The following ATRNL1 variants were observed in gnomAD, a reference collection of about 807,000 sequenced individuals.
The protein encoded by ATRNL1 is attractin like 1.
In ATRNL1, 95 loss-of-function variants were observed where a neutral mutation model predicts 182.7. That is an observed-to-expected ratio of 0.52 (90% CI 0.44 to 0.62). The LOEUF is 0.62. ATRNL1 is among the 20% of genes least tolerant of loss of function. The pLI, the probability that ATRNL1 is intolerant of heterozygous loss-of-function variation, is 0.00. For missense variants in ATRNL1, 1,471 were observed against 1,679.5 expected (o/e 0.88, Z 2.17); for synonymous variants, 576 against 568.3 (o/e 1.01, Z -0.19).
At chr10:115,898,995 A>G (rs7893493) in intron 28 of ATRNL1, among the ~76,000 whole-genome samples, 1,969 of 150,140 alleles carry the variant, frequency 0.013, 50 homozygotes, top group African/African-American at 0.046. Flanking sequence ...TCTAGGGTAC[A>G]TGTGCACAAT....
intron 28 of ATRNL1, among the ~76,000 whole-genome samples, chr10:115,864,285 A>G (rs1405702431): frequency 1.3e-5 from 2 of 152,002 alleles, no homozygotes; most frequent in Admixed American, 1.3e-4. Flanking sequence ...AAAAAAAAAA[A>G]AGAAGTGGGA....
At chr10:115,647,626 T>C (rs1271173007) in intron 26 of ATRNL1, among the ~76,000 whole-genome samples, 2 of 152,212 alleles carry the variant, frequency 1.3e-5, no homozygotes, top group Admixed American at 1.3e-4. Context: ...TCATATCCTT[T>C]GCCCACTTTT....
At chr10:115,868,351 A>G (rs1334556287) in intron 28 of ATRNL1, among the ~76,000 whole-genome samples, 3 of 152,098 alleles carry the variant, frequency 2.0e-5, no homozygotes, top group African/African-American at 4.8e-5. Context: ...ACTCTCACCA[A>G]TGAGGTTACC....
At chr10:115,573,158 G>A (rs901189199) in intron 26 of ATRNL1, among the ~76,000 whole-genome samples, 5 of 152,170 alleles carry the variant, frequency 3.3e-5, no homozygotes, top group Non-Finnish European at 7.4e-5. Context: ...GGGCTCAAAG[G>A]GTGAGTGCAA....
At chr10:115,111,631 C>G (rs1844260052) in intron 1 of ATRNL1, among the ~76,000 whole-genome samples, 1 of 152,050 alleles carries the variant, frequency 6.6e-6, no homozygotes, top group South Asian at 2.1e-4. Flanking sequence ...TGAGGATGGC[C>G]CCAAGCCATT....
At chr10:115,829,480 C>T (rs1555092929) in intron 27 of ATRNL1, among the ~76,000 whole-genome samples, 1 of 147,592 alleles carries the variant, frequency 6.8e-6, no homozygotes, top group Non-Finnish European at 1.5e-5. Flanking sequence ...CAGGAGATTT[C>T]AGCAGGCTTT....
intron 28 of ATRNL1, among the ~76,000 whole-genome samples, chr10:115,872,203 A>G (rs1281710195): frequency 6.6e-6 from 1 of 152,160 alleles, no homozygotes; most frequent in Non-Finnish European, 1.5e-5. Context: ...ACAAGAATAC[A>G]TTTGCTTCCT....
intron 13 of ATRNL1, among the ~76,000 whole-genome samples, chr10:115,281,102 T>A (rs890527484): frequency 6.6e-6 from 1 of 152,234 alleles, no homozygotes; most frequent in Non-Finnish European, 1.5e-5. Flanking sequence ...AAGAATATGC[T>A]TGTAAGTTAG....
intron 27 of ATRNL1, among the ~76,000 whole-genome samples, chr10:115,792,823 T>C (rs1210847941): frequency 1.3e-5 from 2 of 151,936 alleles, no homozygotes; most frequent in African/African-American, 4.8e-5. Flanking sequence ...TAAGTTCAAA[T>C]AGGCAAAAAT....
chr10:115,673,376 C>T (rs570045413), intron 26 of ATRNL1, among the ~76,000 whole-genome samples: 1 of 152,128 alleles, frequency 6.6e-6, no homozygotes, highest in East Asian at 1.9e-4. Context: ...GCCCCATGAG[C>T]ATCTTGCAAA....
intron 21 of ATRNL1, among the ~76,000 whole-genome samples, chr10:115,448,314 A>G (rs1262733485): frequency 1.3e-5 from 2 of 152,196 alleles, no homozygotes; most frequent in Non-Finnish European, 2.9e-5. Context: ...ATCCTCAGCA[A>G]ATGCAAAAGA....
intron 18 of ATRNL1, among the ~76,000 whole-genome samples, chr10:115,333,396 T>C (rs1855325457): frequency 2.0e-5 from 3 of 152,232 alleles, no homozygotes; most frequent in Admixed American, 2.0e-4. Flanking sequence ...TCATTCTGTT[T>C]AGTTCAAACT....
intron 27 of ATRNL1, among the ~76,000 whole-genome samples, chr10:115,785,407 A>G (rs1949371660): frequency 6.6e-6 from 1 of 152,158 alleles, no homozygotes; most frequent in Non-Finnish European, 1.5e-5. Context: ...CCTTAGAGTC[A>G]TTCCTCCTCC....
chr10:115,513,081 G>A (rs1279081171), intron 24 of ATRNL1, among the ~76,000 whole-genome samples: 1 of 151,952 alleles, frequency 6.6e-6, no homozygotes, highest in Non-Finnish European at 1.5e-5. Flanking sequence ...TATCGTTAGT[G>A]TGTTTTACGT....
intron 20 of ATRNL1, among the ~76,000 whole-genome samples, chr10:115,423,517 G>C (rs1845739455): frequency 6.6e-6 from 1 of 152,112 alleles, no homozygotes; most frequent in African/African-American, 2.4e-5. Context: ...AACCGAGTGA[G>C]ACTGTGTCTC....
intron 1 of ATRNL1, among the ~76,000 whole-genome samples, chr10:115,115,105 A>G (rs937798682): frequency 2.0e-5 from 3 of 152,224 alleles, no homozygotes; most frequent in African/African-American, 7.2e-5. Flanking sequence ...AGAGGCCATT[A>G]GGTTATGCAA....
intron 28 of ATRNL1, among the ~76,000 whole-genome samples, chr10:115,860,760 T>C (rs1347724192): frequency 6.6e-6 from 1 of 152,228 alleles, no homozygotes; most frequent in African/African-American, 2.4e-5. Context: ...CATTCTGTTA[T>C]TTAACAGTCT....
chr10:115,467,820 T>G (rs1848124180), intron 23 of ATRNL1, among the ~76,000 whole-genome samples: 1 of 150,758 alleles, frequency 6.6e-6, no homozygotes, highest in South Asian at 2.1e-4. Flanking sequence ...TGTTCAGATT[T>G]TTATGTTGAA....
chr10:115,878,339 A>G (rs1555107719), intron 28 of ATRNL1, among the ~76,000 whole-genome samples: 1 of 152,240 alleles, frequency 6.6e-6, no homozygotes, highest in African/African-American at 2.4e-5. Context: ...TAGGCCAGAG[A>G]GAATGCCAGT....
Sources: allele counts gnomAD v4.1 joint callset (sites outside exome capture counted in the v4.1 genomes callset), GRCh38; gene constraint gnomAD v4.1.1; transcripts MANE v1.5; gene names NCBI Gene and HGNC (gene_info 2026-07-23, HGNC 2026-07-21).